MACROD2: variants seen among roughly 807,000 people sequenced by gnomAD.
The protein encoded by MACROD2 is mono-ADP ribosylhydrolase 2.
In MACROD2, 36 loss-of-function variants were observed where a neutral mutation model predicts 70.4. The ratio of observed to expected loss-of-function variants is 0.51; its 90% confidence interval spans 0.39 to 0.68. The LOEUF is 0.68. Ranked by LOEUF, MACROD2 falls within the 30% of genes least tolerant of loss-of-function variation. MACROD2 has a pLI of 0.00. For missense variants in MACROD2, 496 were observed against 538.4 expected, an observed-to-expected ratio of 0.92 and a Z score of 0.78; for synonymous variants, 172 against 178.8, an observed-to-expected ratio of 0.96 and a Z score of 0.30.
chr20:14,028,449 T>C (rs2053204595), intron 2 of MACROD2, among the ~76,000 whole-genome samples: 1 of 152,134 alleles, frequency 6.6e-6, no homozygotes, highest in Non-Finnish European at 1.5e-5. Flanking sequence ...CTTGCTGGCG[T>C]TCCAGGCGCC....
At chr20:14,698,047 C>G in intron 5 of MACROD2, among the ~76,000 whole-genome samples, 1 of 152,108 alleles carries the variant, frequency 6.6e-6, no homozygotes, top group African/African-American at 2.4e-5. Flanking sequence ...GAAAATAATA[C>G]TGTGCAAAAA....
chr20:15,730,351 T>G (rs558881141), intron 8 of MACROD2, among the ~76,000 whole-genome samples: 4 of 152,316 alleles, frequency 2.6e-5, no homozygotes, highest in Non-Finnish European at 5.9e-5. Context: ...CTTTTCCATA[T>G]TTAGCACTCC....
chr20:14,022,323 A>C (rs1277839377), intron 2 of MACROD2, among the ~76,000 whole-genome samples: 1 of 152,182 alleles, frequency 6.6e-6, no homozygotes, highest in African/African-American at 2.4e-5. Context: ...TAAATATAAA[A>C]ATTATTTTAC....
intron 5 of MACROD2, among the ~76,000 whole-genome samples, chr20:15,158,562 T>C (rs1015123467): frequency 1.3e-5 from 2 of 152,062 alleles, no homozygotes; most frequent in Non-Finnish European, 2.9e-5. Flanking sequence ...ACAGCAGAAG[T>C]GTGTAGTGAA....
chr20:14,019,327 C>T (rs1165521984), intron 2 of MACROD2, among the ~76,000 whole-genome samples: 4 of 152,004 alleles, frequency 2.6e-5, no homozygotes, highest in South Asian at 2.1e-4. Flanking sequence ...GTTGGAGTGC[C>T]GTGGCGCAAT....
At chr20:14,099,117 A>T (rs2054266416) in intron 3 of MACROD2, among the ~76,000 whole-genome samples, 1 of 152,112 alleles carries the variant, frequency 6.6e-6, no homozygotes, top group South Asian at 2.1e-4. Flanking sequence ...ATCTCTACTA[A>T]AAATACAAAA....
intron 3 of MACROD2, among the ~76,000 whole-genome samples, chr20:14,463,767 C>A (rs372227588): frequency 2.0e-5 from 3 of 151,890 alleles, no homozygotes; most frequent in Admixed American, 6.6e-5. Context: ...TTGTCAAAGG[C>A]CTTTTCTGCA....
chr20:14,173,108 T>C (rs1402902864), intron 3 of MACROD2, among the ~76,000 whole-genome samples: 1 of 152,228 alleles, frequency 6.6e-6, no homozygotes, highest in African/African-American at 2.4e-5. Context: ...CTGATGACTG[T>C]GTTTCTAGGT....
chr20:14,837,859 G>A (rs2073046641), intron 5 of MACROD2, among the ~76,000 whole-genome samples: 1 of 151,558 alleles, frequency 6.6e-6, no homozygotes, highest in Admixed American at 6.6e-5. Context: ...GGCTCCACAG[G>A]GTGGGGTTAG....
intron 3 of MACROD2, among the ~76,000 whole-genome samples, chr20:14,193,148 T>C (rs2081401962): frequency 6.6e-6 from 1 of 152,204 alleles, no homozygotes; most frequent in South Asian, 2.1e-4. Flanking sequence ...AACTCTGGAC[T>C]TCAGTCTAAT....
chr20:14,057,857 T>C (rs1316646716), intron 2 of MACROD2, among the ~76,000 whole-genome samples: 1 of 152,192 alleles, frequency 6.6e-6, no homozygotes, highest in Non-Finnish European at 1.5e-5. Context: ...AATGCATGAA[T>C]TGCGGCCCCG....
chr20:14,444,691 A>G (rs6131581), intron 3 of MACROD2, among the ~76,000 whole-genome samples: 40,610 of 151,790 alleles, frequency 0.27, 5,601 homozygotes, highest in Admixed American at 0.31. Context: ...TTGAATATCC[A>G]ACTCCACATA....
intron 6 of MACROD2, among the ~76,000 whole-genome samples, chr20:15,408,331 C>A (rs1184405441): frequency 6.6e-6 from 1 of 152,274 alleles, no homozygotes; most frequent in East Asian, 1.9e-4. Context: ...GAGTGGAAGT[C>A]CCTTAGAGTA....
In MACROD2 at chr20:14,832,112, G is replaced by A. The variant is rs182221933; in HGVS notation, c.418+147153G>A. Among the ~76,000 whole-genome samples, 31 of 138,402 alleles carry A rather than the reference G, an allele frequency of 2.2e-4. 1 individual carries two copies. The East Asian group carries it at 6.5e-3, about 29-fold the overall frequency. The allele number at this position is 138,402 out of a possible 152,430, so 90.8% of individuals were successfully genotyped here. A position where few individuals can be genotyped will look rare whatever the true frequency, so the allele number is the denominator to read the frequency against. On this transcript the variant is annotated intron_variant, in intron 5 of 17. Coordinates refer to ENST00000684519, the MANE Select transcript of MACROD2 (RefSeq NM_001351661.2). The stretch of plus-strand genomic sequence containing the variant: ...GGCTGGAGTGCAGTGGCACGATCTC[G>A]GCTCACTGCAAGCTCTGCCTCCCGG...
chr20:14,701,104 A>G (rs1220184305), intron 5 of MACROD2, among the ~76,000 whole-genome samples: 2 of 152,162 alleles, frequency 1.3e-5, no homozygotes, highest in Non-Finnish European at 2.9e-5. Context: ...ACAAAATATA[A>G]GTGGGAATCA....
In MACROD2 at chr20:14,249,296, C is replaced by T. The variant is rs572112000; in HGVS notation, c.271+163568C>T. On this transcript the variant is annotated intron_variant, in intron 3 of 17. Coordinates refer to ENST00000684519, the MANE Select transcript of MACROD2 (RefSeq NM_001351661.2). Reference sequence around the variant, plus strand: ...AGGAAATATGTTTAAAATGTTGTCTCAGTATAATGCAAAAGCCAGAGTTAA... The same window carrying T: ...AGGAAATATGTTTAAAATGTTGTCTTAGTATAATGCAAAAGCCAGAGTTAA... Among the ~76,000 whole-genome samples the T allele has an allele frequency of 2.0e-5, 3 of 151,922 alleles. No individual in the cohort carries two copies. The South Asian group carries it at 6.2e-4, about 32-fold the overall frequency.
At chr20:14,531,433 C>T (rs1329504315) in intron 4 of MACROD2, among the ~76,000 whole-genome samples, 1 of 152,120 alleles carries the variant, frequency 6.6e-6, no homozygotes, top group East Asian at 1.9e-4. Context: ...AAAGGGATGC[C>T]TGGAGTGACC....
At chr20:15,849,421 T>C (rs770904091) in intron 8 of MACROD2, among the ~76,000 whole-genome samples, 4 of 152,204 alleles carry the variant, frequency 2.6e-5, no homozygotes, top group Non-Finnish European at 4.4e-5. Flanking sequence ...AATGGAAATG[T>C]CGAGAAAACG....
chr20:15,888,306 G>T (rs2147214576), intron 10 of MACROD2, among the ~76,000 whole-genome samples: 1 of 152,190 alleles, frequency 6.6e-6, no homozygotes, highest in East Asian at 1.9e-4. Flanking sequence ...ACTTGAAATT[G>T]TCACTCTGTC....
Sources: allele counts gnomAD v4.1 joint callset (sites outside exome capture counted in the v4.1 genomes callset), GRCh38; gene constraint gnomAD v4.1.1; transcripts MANE v1.5; gene names NCBI Gene and HGNC (gene_info 2026-07-23, HGNC 2026-07-21).